PSMA1: variants seen among roughly 807,000 people sequenced by gnomAD.
PSMA1 encodes proteasome subunit alpha type-1.
PSMA1 carries 3 observed loss-of-function variants against 38.4 expected under a neutral mutation model. The ratio of observed to expected loss-of-function variants is 0.08; its 90% CI spans 0.04 to 0.20. The LOEUF (loss-of-function observed/expected upper bound fraction) is 0.20, where lower values mean the gene tolerates loss of function less well. Ranked by LOEUF, PSMA1 falls within the 10% of genes least tolerant of loss-of-function variation. The pLI is 1.00. For missense variants in PSMA1, 227 were observed against 325.3 expected (o/e 0.70, Z 2.32); for synonymous variants, 101 against 107.1 (o/e 0.94, Z 0.35).
chr11:14,597,241 A>G (rs1429146906), intron 2 of PSMA1, among the ~76,000 whole-genome samples: 2 of 152,180 alleles, frequency 1.3e-5, no homozygotes, highest in Admixed American at 6.5e-5. Context: ...TTTGGTATCA[A>G]GATGATGTTG....
At chr11:14,516,734 TG>T (rs1477982596) in intron 4 of PSMA1, among the ~76,000 whole-genome samples, 2 of 152,098 alleles carry the variant, frequency 1.3e-5, no homozygotes, top group South Asian at 4.1e-4. Flanking sequence ...AAGACTAGCC[TG>T]GCCAACATGG....
At chr11:14,638,587 T>A (rs867326381) in intron 1 of PSMA1, among the ~76,000 whole-genome samples, 36 of 53,866 alleles carry the variant, frequency 6.7e-4, no homozygotes, top group East Asian at 2.5e-3. Context: ...ATATATATAT[T>A]TTTTTTTTTT....
intron 2 of PSMA1, among the ~76,000 whole-genome samples, chr11:14,584,507 GTTTTTTTT>G (rs58620375): frequency 3.2e-5 from 4 of 124,780 alleles, no homozygotes; most frequent in Non-Finnish European, 5.0e-5. Context: ...TTTGTTTTTT[GTTTTTTTT>G]TTTTTTTTTT....
At chr11:14,558,833 T>C (rs1851972549) in intron 2 of PSMA1, among the ~76,000 whole-genome samples, 1 of 152,224 alleles carries the variant, frequency 6.6e-6, no homozygotes. Flanking sequence ...ATCTACTGGT[T>C]AGGAACATTC....
chr11:14,519,921 CACTGGTGGTACAGGT>C (rs921068256), intron 1 of PSMA1: 5 of 242,336 alleles, frequency 2.1e-5, no homozygotes, highest in African/African-American at 1.1e-4. Flanking sequence ...GTCAAGTCCG[CACTGGTGGTACAGGT>C]AGGCCTCCAA....
chr11:14,548,643 T>A (rs1851853506), intron 2 of PSMA1, among the ~76,000 whole-genome samples: 1 of 152,178 alleles, frequency 6.6e-6, no homozygotes, highest in Admixed American at 6.5e-5. Context: ...GATCAGGATT[T>A]AATTTTTTTA....
chr11:14,541,483 T>G (rs552434643), intron 2 of PSMA1, among the ~76,000 whole-genome samples: 1 of 152,356 alleles, frequency 6.6e-6, no homozygotes, highest in South Asian at 2.1e-4. Flanking sequence ...TTGGCTGCCA[T>G]CCAGTTGAGT....
intron 7 of PSMA1, among the ~76,000 whole-genome samples, chr11:14,512,543 C>A (rs1398426770): frequency 6.6e-6 from 1 of 152,114 alleles, no homozygotes; most frequent in Non-Finnish European, 1.5e-5. Flanking sequence ...GCAGAGGGTG[C>A]TGATATGAGC....
At chr11:14,508,939 C>A (rs1272483826) in intron 8 of PSMA1, among the ~76,000 whole-genome samples, 1 of 152,116 alleles carries the variant, frequency 6.6e-6, no homozygotes, top group Non-Finnish European at 1.5e-5. Flanking sequence ...AACTCATCTC[C>A]CAGTTGCTAA....
chr11:14,612,208 C>T (rs750159219), intron 1 of PSMA1, among the ~76,000 whole-genome samples: 1 of 152,084 alleles, frequency 6.6e-6, no homozygotes, highest in Non-Finnish European at 1.5e-5. Flanking sequence ...TGCTTTTCAC[C>T]CAGTTGTGTC....
chr11:14,518,935 T>C (rs980642943), intron 2 of PSMA1, 62 bp downstream of exon 2: 7 of 1,331,706 alleles, frequency 5.3e-6, no homozygotes, highest in African/African-American at 1.5e-5. Context: ...CTCACAAGTT[T>C]CTAAATATAT....
At chr11:14,589,413 GTA>G (rs202179177) in intron 2 of PSMA1, among the ~76,000 whole-genome samples, 2 of 149,934 alleles carry the variant, frequency 1.3e-5, no homozygotes, top group African/African-American at 4.9e-5. Flanking sequence ...ATATATATGT[GTA>G]TATATATGTG....
intron 2 of PSMA1, among the ~76,000 whole-genome samples, chr11:14,600,150 T>C (rs917587895): frequency 2.0e-5 from 3 of 152,050 alleles, no homozygotes; most frequent in African/African-American, 7.2e-5. Flanking sequence ...CTATATGAGG[T>C]GTCTGTTGGC....
intron 2 of PSMA1, among the ~76,000 whole-genome samples, chr11:14,605,479 G>A (rs1407621770): frequency 6.6e-6 from 1 of 152,106 alleles, no homozygotes; most frequent in Admixed American, 6.5e-5. Flanking sequence ...AATCGCCCAG[G>A]CTCAAGTGAT....
intron 1 of PSMA1, among the ~76,000 whole-genome samples, chr11:14,626,507 T>C (rs1024244911): frequency 7.9e-5 from 12 of 152,298 alleles, no homozygotes; most frequent in Admixed American, 3.9e-4. Flanking sequence ...ATGGGTCTCT[T>C]ATATATTAAT....
intron 2 of PSMA1, among the ~76,000 whole-genome samples, chr11:14,585,822 G>A (rs1852339337): frequency 6.6e-6 from 1 of 152,040 alleles, no homozygotes; most frequent in African/African-American, 2.4e-5. Context: ...AACAGTTTTG[G>A]GGTGCTGAGC....
At chr11:14,609,273 G>A (rs11023273) in intron 2 of PSMA1, among the ~76,000 whole-genome samples, 46,109 of 152,038 alleles carry the variant, frequency 0.3, 8,071 homozygotes, top group South Asian at 0.44. Flanking sequence ...TCTGCATAAC[G>A]ATAGGTGGAT....
At chr11:14,573,316 G>A (rs1027911660) in intron 2 of PSMA1, among the ~76,000 whole-genome samples, 1 of 152,194 alleles carries the variant, frequency 6.6e-6, no homozygotes, top group African/African-American at 2.4e-5. Flanking sequence ...TATCCACCAT[G>A]ATCAAGGGGG....
At chr11:14,521,765 C>CAAAAAAAA (rs367961519), upstream of PSMA1, among the ~76,000 whole-genome samples, 5 of 107,950 alleles carry the variant, frequency 4.6e-5, no homozygotes, top group African/African-American at 3.8e-5. Context: ...GACTCCATCT[C>CAAAAAAAA]AAAAAAAAAA....
Sources: allele counts gnomAD v4.1 joint callset (sites outside exome capture counted in the v4.1 genomes callset), GRCh38; gene constraint gnomAD v4.1.1; transcripts MANE v1.5; gene names NCBI Gene and HGNC (gene_info 2026-07-23, HGNC 2026-07-21).